Variants in PTPRD observed in about 807,000 individuals in gnomAD.
PTPRD encodes protein tyrosine phosphatase receptor type D.
In PTPRD, 34 loss-of-function variants were observed where a neutral mutation model predicts 214.5. The ratio of observed to expected loss-of-function variants is 0.16; its 90% CI spans 0.12 to 0.21. The LOEUF (loss-of-function observed/expected upper bound fraction) is 0.21. Ranked by LOEUF, PTPRD falls within the 10% of genes least tolerant of loss-of-function variation. The pLI is 1.00. For synonymous variants in PTPRD, 1,128 were observed against 845.7 expected (o/e 1.33, Z -5.79); for missense variants, 2,545 against 2,398.7 (o/e 1.06, Z -1.27).
chr9:10,495,892 G>A (rs1260089634), intron 2 of PTPRD, among the ~76,000 whole-genome samples: 1 of 151,536 alleles, frequency 6.6e-6, no homozygotes, highest in African/African-American at 2.4e-5. Flanking sequence ...GGAATAAATT[G>A]TATTTTACTA....
intron 8 of PTPRD, among the ~76,000 whole-genome samples, chr9:9,447,535 G>T (rs1233576812): frequency 1.3e-5 from 2 of 152,082 alleles, no homozygotes; most frequent in Non-Finnish European, 1.5e-5. Flanking sequence ...TAAGAGGGAG[G>T]AAGGAGAGGA....
In PTPRD at chr9:10,170,079, T is replaced by C. The variant is rs192614492; in HGVS notation, c.-544-136289A>G. The stretch of plus-strand genomic sequence containing the variant: ...ACAGAAAACAGAAGGGACTTTTGCA[T>C]ATCAAGAATTTCAAAGAATGATAGA... On this transcript the variant is annotated intron_variant, in intron 3 of 45. Transcript: ENST00000381196. Among the ~76,000 whole-genome samples, 5 of 152,296 alleles carry C rather than the reference T, an allele frequency of 3.3e-5. No homozygotes were observed. In the South Asian group the frequency reaches 6.2e-4, roughly 19 times the overall value.
Position 9,502,500 on chromosome 9 carries a change from T to C in PTPRD, c.-237+72232A>G, listed in dbSNP as rs990380403. Among the ~76,000 whole-genome samples the C allele has an allele frequency of 3.3e-5, 5 of 152,046 alleles. No homozygotes were observed. In the East Asian group the frequency reaches 9.7e-4, roughly 29 times the overall value. On this transcript the variant is annotated intron_variant, in intron 8 of 45. Transcript: ENST00000381196. ...TACGTATATGTATTTCTGTTTTGAG[T>C]GTAAAATGATATAACTCTTTGGACT... is the stretch of plus-strand genomic sequence containing the variant.
intron 21 of PTPRD, among the ~76,000 whole-genome samples, chr9:8,512,737 C>A (rs1179033662): frequency 6.6e-6 from 1 of 151,900 alleles, no homozygotes; most frequent in Non-Finnish European, 1.5e-5. Context: ...TTTCAAGAAT[C>A]TATTAAATGA....
At chr9:9,613,158 A>ATATATATG (rs2094626501) in intron 7 of PTPRD, among the ~76,000 whole-genome samples, 1 of 87,334 alleles carries the variant, frequency 1.1e-5, no homozygotes, top group Admixed American at 1.1e-4. Flanking sequence ...ATATATATAT[A>ATATATATG]TATATATATA....
intron 11 of PTPRD, among the ~76,000 whole-genome samples, chr9:8,778,704 C>A (rs1415817834): frequency 6.6e-6 from 1 of 152,106 alleles, no homozygotes; most frequent in African/African-American, 2.4e-5. Context: ...TTAGAAAGAT[C>A]AGTAATACTG....
chr9:9,269,467 T>TAAG (rs1941846863), intron 9 of PTPRD, among the ~76,000 whole-genome samples: 1 of 151,122 alleles, frequency 6.6e-6, no homozygotes, highest in Non-Finnish European at 1.5e-5. Context: ...AAAATAAAAA[T>TAAG]AAGACTACCA....
chr9:8,860,450 G>C (rs1170370698), intron 11 of PTPRD: 1 of 152,236 alleles, frequency 6.6e-6, no homozygotes, highest in Non-Finnish European at 1.5e-5. Context: ...AAACATCTTA[G>C]AGAAAGAAGT....
chr9:10,440,024 AT>A (rs140978295), intron 2 of PTPRD, among the ~76,000 whole-genome samples: 2,376 of 151,332 alleles, frequency 0.016, 50 homozygotes, highest in African/African-American at 0.052. Flanking sequence ...AATAATAAAA[AT>A]ATATATATAA....
chr9:10,016,265 T>C (rs998777082), intron 4 of PTPRD, among the ~76,000 whole-genome samples: 3 of 152,136 alleles, frequency 2.0e-5, no homozygotes, highest in Non-Finnish European at 4.4e-5. Flanking sequence ...AATACACTTG[T>C]TTATAGTAAC....
At chr9:9,351,187 T>G (rs752849385) in intron 9 of PTPRD, among the ~76,000 whole-genome samples, 6 of 152,018 alleles carry the variant, frequency 3.9e-5, no homozygotes, top group Non-Finnish European at 8.8e-5. Flanking sequence ...TGTACAGATT[T>G]GAGTTTTGCC....
chr9:9,129,279 A>G (rs2099838937), intron 10 of PTPRD, among the ~76,000 whole-genome samples: 1 of 152,128 alleles, frequency 6.6e-6, no homozygotes, highest in African/African-American at 2.4e-5. Flanking sequence ...AATCCCAGCT[A>G]CTTGGGAGGC....
intron 3 of PTPRD, among the ~76,000 whole-genome samples, chr9:10,217,997 C>T (rs989542158): frequency 2.6e-5 from 4 of 151,784 alleles, no homozygotes; most frequent in Middle Eastern, 3.4e-3. Context: ...AATCTTTTTT[C>T]GGGGTAGGGG....
At chr9:9,969,570 C>T (rs1478473489) in intron 4 of PTPRD, among the ~76,000 whole-genome samples, 1 of 152,180 alleles carries the variant, frequency 6.6e-6, no homozygotes, top group Non-Finnish European at 1.5e-5. Context: ...CAGTCTAATT[C>T]AGTGTGAACA....
At chr9:9,022,257 G>C (rs909275010) in intron 10 of PTPRD, among the ~76,000 whole-genome samples, 1 of 152,080 alleles carries the variant, frequency 6.6e-6, no homozygotes, top group Non-Finnish European at 1.5e-5. Context: ...CGTGTGCAGG[G>C]TTTATAAAGT....
chr9:10,268,222 G>T (rs1595765898), intron 3 of PTPRD, among the ~76,000 whole-genome samples: 1 of 149,882 alleles, frequency 6.7e-6, no homozygotes, highest in African/African-American at 2.5e-5. Context: ...CCCAGGAGTT[G>T]CAGGCTGCAG....
At chr9:8,448,772 T>G (rs1048078275) in intron 34 of PTPRD, among the ~76,000 whole-genome samples, 2 of 152,226 alleles carry the variant, frequency 1.3e-5, no homozygotes, top group African/African-American at 4.8e-5. Flanking sequence ...AATAATTCAC[T>G]GTAAAATGTG....
At chr9:9,825,757 AT>A (rs2052591723) in intron 5 of PTPRD, among the ~76,000 whole-genome samples, 1 of 151,222 alleles carries the variant, frequency 6.6e-6, no homozygotes, top group Non-Finnish European at 1.5e-5. Flanking sequence ...CGTAACTCTC[AT>A]TTTCTTTCTT....
intron 11 of PTPRD, among the ~76,000 whole-genome samples, chr9:8,948,543 T>TTATATATATATATTTATATATATATTTA (rs1228234537): frequency 3.2e-5 from 1 of 31,184 alleles, no homozygotes; most frequent in African/African-American, 8.8e-5. Flanking sequence ...ATATATATAT[T>TTATATATATATATTTATATATATATTTA]TATATATATT....
Sources: gnomAD v4.1 joint callset for allele counts (sites outside exome capture counted in the v4.1 genomes callset) on GRCh38, gnomAD v4.1.1 for gene constraint, MANE v1.5 for transcripts, NCBI Gene and HGNC (gene_info 2026-07-23, HGNC 2026-07-21) for gene names.